Variants in XRRA1 observed in about 807,000 individuals in gnomAD.
The protein encoded by XRRA1 is X-ray radiation resistance-associated protein 1.
XRRA1 carries 69 observed loss-of-function variants against 80.2 expected under a neutral mutation model. The ratio of observed to expected loss-of-function variants is 0.86; its 90% CI spans 0.71 to 1.05. XRRA1 has a LOEUF of 1.05. Among genes scored for constraint, XRRA1 ranks in the 50% least tolerant of loss-of-function variants. The probability of loss-of-function intolerance (pLI) is 0.00; values close to 1 mark genes in which losing one functional copy is unlikely to be tolerated. For missense variants in XRRA1, 967 were observed against 976.4 expected (o/e 0.99, Z 0.13); for synonymous variants, 348 against 389.9 (o/e 0.89, Z 1.27).
At chr11:74,863,236 G>A (rs1444061736) in intron 10 of XRRA1, 2 of 589,492 alleles carry the variant, frequency 3.4e-6, no homozygotes, top group African/African-American at 1.9e-5. Context: ...AATACAAACT[G>A]CTTATCTAGT....
At chr11:74,868,970 C>G (rs1053795189) in intron 10 of XRRA1, among the ~76,000 whole-genome samples, 1 of 152,032 alleles carries the variant, frequency 6.6e-6, no homozygotes, top group African/African-American at 2.4e-5. Flanking sequence ...ATATTAATGA[C>G]CTGAACTCAA....
At chr11:74,900,575 T>A (rs1356373314) in intron 10 of XRRA1, among the ~76,000 whole-genome samples, 7 of 145,838 alleles carry the variant, frequency 4.8e-5, no homozygotes, top group African/African-American at 9.9e-5. Context: ...AGAGTGAAAC[T>A]CCATCTCAAG....
intron 12 of XRRA1, among the ~76,000 whole-genome samples, chr11:74,855,087 C>G (rs970811890): frequency 2.0e-5 from 3 of 152,148 alleles, no homozygotes; most frequent in Non-Finnish European, 4.4e-5. Flanking sequence ...CTACCTTTCT[C>G]ATTTGTTGCC....
At chr11:74,880,636 C>T (rs372538410) in intron 10 of XRRA1, among the ~76,000 whole-genome samples, 51 of 151,350 alleles carry the variant, frequency 3.4e-4, no homozygotes, top group Middle Eastern at 6.8e-3. Flanking sequence ...GCTTTGAATG[C>T]GTCCCAGAGA....
At chr11:74,858,996 C>T (rs2041750923) in intron 12 of XRRA1, among the ~76,000 whole-genome samples, 162 bp downstream of exon 12, 1 of 152,174 alleles carries the variant, frequency 6.6e-6, no homozygotes, top group African/African-American at 2.4e-5. Context: ...GGACTCCTGC[C>T]TTGGCCTGAA....
intron 10 of XRRA1, among the ~76,000 whole-genome samples, chr11:74,874,004 G>A (rs1407103558): frequency 2.6e-5 from 4 of 151,940 alleles, no homozygotes; most frequent in Non-Finnish European, 5.9e-5. Context: ...TTGGGAGGCC[G>A]AGGTGGGCGG....
intron 14 of XRRA1, 98 bp from the exon 15 acceptor site, chr11:74,848,560 G>T: frequency 8.9e-7 from 1 of 1,124,550 alleles, no homozygotes; most frequent in Non-Finnish European, 1.2e-6. Flanking sequence ...CAGCCGGAGT[G>T]CTGGGTACGG....
At chr11:74,900,218 A>G (rs2053310915) in intron 10 of XRRA1, among the ~76,000 whole-genome samples, 1 of 152,080 alleles carries the variant, frequency 6.6e-6, no homozygotes, top group South Asian at 2.1e-4. Context: ...ACAGGCCAAT[A>G]TATCTGATGA....
intron 8 of XRRA1, among the ~76,000 whole-genome samples, chr11:74,917,823 T>A (rs1366672578): frequency 6.6e-6 from 1 of 152,202 alleles, no homozygotes; most frequent in Non-Finnish European, 1.5e-5. Context: ...GACACAATCA[T>A]GGTTCCACTG....
At chr11:74,888,299 C>T (rs1463917822) in intron 10 of XRRA1, among the ~76,000 whole-genome samples, 1 of 152,168 alleles carries the variant, frequency 6.6e-6, no homozygotes, top group Non-Finnish European at 1.5e-5. Flanking sequence ...ACCGCTGATA[C>T]CCAGGCAAAC....
chr11:74,849,160 GTTTTCACTC>G (rs1207061908), intron 14 of XRRA1, among the ~76,000 whole-genome samples: 1 of 152,100 alleles, frequency 6.6e-6, no homozygotes, highest in African/African-American at 2.4e-5. Flanking sequence ...ATAGTGGATT[GTTTTCACTC>G]TTTGTCAGAG....
At position 74,937,049 on chromosome 11, in the gene XRRA1, C is replaced by G; in HGVS notation, c.114G>C (p.Val38=). The G allele has an allele frequency of 6.2e-7, 1 of 1,613,790 alleles. No homozygotes were observed. The highest frequency in any genetic ancestry group is 8.5e-7 in the Non-Finnish European group (1 of 1,179,822). ...VPEEGQGHWL[V]VQKGNLKKKP... is the part of the protein sequence containing the mutation. The stretch of plus-strand genomic sequence containing the variant: ...TCTTCTTGAGGTTACCTTTCTGAAC[C>G]ACTAACCAGTGTCCTTGGCCTGTTG... The change falls in exon 4 of 19, where the codon GTG becomes GTC. Residue 38 remains valine, a synonymous_variant. Transcript: ENST00000684022.
chr11:74,905,226 T>C (rs117037519), intron 10 of XRRA1, among the ~76,000 whole-genome samples: 1,755 of 152,084 alleles, frequency 0.012, 19 homozygotes, highest in South Asian at 0.023. Flanking sequence ...TTTATAGAGA[T>C]AGGGTCTCGT....
intron 9 of XRRA1, chr11:74,906,701 A>G (rs1042563277): frequency 1.8e-6 from 1 of 553,864 alleles, no homozygotes; most frequent in Non-Finnish European, 3.2e-6. Flanking sequence ...GGCCTGGCAC[A>G]AAGTAGTATT....
In XRRA1 at chr11:74,930,968, C is replaced by T. The variant is rs561682362; in HGVS notation, c.352-596G>A. Among the ~76,000 whole-genome samples, 16 of 152,142 alleles carry T rather than the reference C, an allele frequency of 1.1e-4. No homozygotes were observed. The South Asian group carries it at 2.5e-3, about 24-fold the overall frequency. On this transcript the variant is annotated intron_variant, in intron 5 of 18. Transcript: ENST00000684022. ...TGCAGGCACACGCCACCAAGACTGG[C>T]TAATTTTTTTGTATTTTTAGCTGAG... is the stretch of plus-strand genomic sequence containing the variant.
chr11:74,843,732 G>A (rs2037105894), intron 18 of XRRA1, 122 bp downstream of exon 18: 2 of 917,676 alleles, frequency 2.2e-6, no homozygotes, highest in Non-Finnish European at 1.7e-6. Context: ...TCTACATGTA[G>A]AGACTGATGT....
intron 8 of XRRA1, chr11:74,910,796 A>G (rs952291355): frequency 6.6e-6 from 1 of 152,274 alleles, no homozygotes; most frequent in Non-Finnish European, 1.5e-5. Flanking sequence ...GGATAACAGC[A>G]ATGAGCAGGT....
chr11:74,891,558 A>G (rs1282936481), intron 10 of XRRA1, among the ~76,000 whole-genome samples: 2 of 152,194 alleles, frequency 1.3e-5, no homozygotes, highest in Admixed American at 6.5e-5. Context: ...GGCCAGGGCA[A>G]TCAGGCAGGA....
At chr11:74,887,993 A>G (rs960588955) in intron 10 of XRRA1, among the ~76,000 whole-genome samples, 1 of 152,190 alleles carries the variant, frequency 6.6e-6, no homozygotes, top group African/African-American at 2.4e-5. Flanking sequence ...TCCACCTCTG[A>G]GGGCAGGACA....
Sources: allele counts gnomAD v4.1 joint callset (sites outside exome capture counted in the v4.1 genomes callset), GRCh38; gene constraint gnomAD v4.1.1; transcripts MANE v1.5; gene names NCBI Gene and HGNC (gene_info 2026-07-23, HGNC 2026-07-21).